The following PTK2B variants were observed in gnomAD, a reference collection of about 807,000 sequenced individuals.
PTK2B encodes protein tyrosine kinase 2 beta, also known as protein-tyrosine kinase 2-beta.
Under a neutral mutation model 142.9 loss-of-function variants are expected in PTK2B, and 71 were observed. The ratio of observed to expected loss-of-function variants is 0.50; its 90% confidence interval spans 0.41 to 0.61. The LOEUF is 0.61. Ranked by LOEUF, PTK2B falls within the 20% of genes least tolerant of loss-of-function variation. The pLI, the probability that PTK2B is intolerant of heterozygous loss-of-function variation, is 0.00. For synonymous variants in PTK2B, 519 were observed against 503.4 expected, an observed-to-expected ratio of 1.03 and a Z score of -0.42; for missense variants, 1,105 against 1,320.4, an observed-to-expected ratio of 0.84 and a Z score of 2.53.
At chr8:27,446,229 G>A (rs1439892006) in intron 24 of PTK2B, among the ~76,000 whole-genome samples, 1 of 152,216 alleles carries the variant, frequency 6.6e-6, no homozygotes, top group Admixed American at 6.5e-5. Flanking sequence ...GGGGATCTGT[G>A]GCAGCTTGGA....
At chr8:27,395,810 T>G (rs1282947741) in intron 1 of PTK2B, among the ~76,000 whole-genome samples, 7 of 152,186 alleles carry the variant, frequency 4.6e-5, no homozygotes, top group Non-Finnish European at 8.8e-5. Context: ...TGTCATCATT[T>G]CTCTGATGTT....
At chr8:27,404,724 T>C (rs893608269) in intron 2 of PTK2B, among the ~76,000 whole-genome samples, 9 of 152,310 alleles carry the variant, frequency 5.9e-5, no homozygotes, top group African/African-American at 2.2e-4. Flanking sequence ...CCATTGACTT[T>C]CCCCTTCGCT....
At chr8:27,429,992 G>C in intron 5 of PTK2B, 101 bp from the exon 6 acceptor site, 1 of 1,055,900 alleles carries the variant, frequency 9.5e-7, no homozygotes, top group Non-Finnish European at 1.5e-6. Context: ...TGATTCCCAC[G>C]TATGGCAGGG....
rs147268463 is a variant in PTK2B at position 27,338,045 on chromosome 8, G to A, written c.-38+12364G>A. On this transcript the variant is annotated intron_variant, in intron 1 of 30. Coordinates refer to ENST00000346049, the MANE Select transcript of PTK2B (RefSeq NM_173176.3). ...AACACTTGTTGTTGTCTGTAATTTC[G>A]TTGTTAGCCATCCCAGTGGGGATGA... Among the ~76,000 whole-genome samples, 493 of 152,206 alleles carry A rather than the reference G, an allele frequency of 3.2e-3. 2 individuals carry two copies. The highest frequency in any genetic ancestry group is 8.8e-3 in the African/African-American group (365 of 41,530).
At chr8:27,443,142 G>A (rs1407709049) in intron 22 of PTK2B, among the ~76,000 whole-genome samples, 159 bp downstream of exon 22, 2 of 152,260 alleles carry the variant, frequency 1.3e-5, no homozygotes, top group South Asian at 4.1e-4. Context: ...TCACATCAGT[G>A]CCCTGGCAGG....
intron 1 of PTK2B, among the ~76,000 whole-genome samples, chr8:27,339,138 G>A (rs956414503): frequency 1.3e-5 from 2 of 152,222 alleles, no homozygotes; most frequent in African/African-American, 2.4e-5. Flanking sequence ...CTAAGGCTGC[G>A]CAGGGTCCTG....
At chr8:27,372,780 T>A (rs1439409361) in intron 1 of PTK2B, among the ~76,000 whole-genome samples, 1 of 152,160 alleles carries the variant, frequency 6.6e-6, no homozygotes, top group Non-Finnish European at 1.5e-5. Flanking sequence ...TAACCCTAGC[T>A]GAGGTTGGGA....
At chr8:27,371,547 A>T (rs112262718) in intron 1 of PTK2B, among the ~76,000 whole-genome samples, 1 of 148,916 alleles carries the variant, frequency 6.7e-6, no homozygotes, top group African/African-American at 2.5e-5. Context: ...TTTATTATTT[A>T]TATATATATA....
chr8:27,432,271 G>T lies in PTK2B; in HGVS notation c.897G>T (p.Leu299=), dbSNP rs756257912. 6.2e-7 allele frequency: 1 copy of T among 1,614,066 alleles called. No individual in the cohort carries two copies. The highest frequency in any genetic ancestry group is 8.5e-7 in the Non-Finnish European group (1 of 1,180,000). ...LTSQDAKPTC[L]AEFKQIRSIR... The stretch of plus-strand genomic sequence containing the variant: ...TTCTTTTCCCACAGCCCACCTGCCT[G>T]GCCGAGTTCAAGCAGATCAGGTCCA... The change falls in exon 10 of 31, where the codon CTG becomes CTT. Residue 299 remains leucine (L), a synonymous_variant. Transcript: ENST00000346049.
chr8:27,355,997 C>G (rs1805369937), intron 1 of PTK2B, among the ~76,000 whole-genome samples: 1 of 150,106 alleles, frequency 6.7e-6, no homozygotes, highest in Non-Finnish European at 1.5e-5. Flanking sequence ...TACTCCAGCC[C>G]AGGCGACAGT....
intron 5 of PTK2B, 37 bp downstream of exon 5, chr8:27,422,420 TGCTGA>T (rs1436376229): frequency 4.5e-6 from 7 of 1,553,308 alleles, no homozygotes; most frequent in African/African-American, 2.7e-5. Context: ...GAGGGCGCTG[TGCTGA>T]GCTCTGGGCA....
intron 21 of PTK2B, among the ~76,000 whole-genome samples, chr8:27,440,685 A>G (rs540779783): frequency 6.6e-6 from 1 of 152,332 alleles, no homozygotes; most frequent in South Asian, 2.1e-4. Context: ...ATGTGCTCAG[A>G]AAATATTTTC....
At position 27,453,159 on chromosome 8, in the gene PTK2B, A is replaced by G. The variant is rs765481842; in HGVS notation, c.2594A>G (p.Gln865Arg). Residue 865 changes from glutamine to arginine, a missense_variant and splice_region_variant, in exon 28 of 31, where the codon CAG (glutamine) becomes CGG (arginine). Coordinates refer to ENST00000346049, the MANE Select transcript of PTK2B (RefSeq NM_173176.3). ...PPQKPPRLGA[Q>R]SIQPTANLDR... ...CAGAAGCCCCCGAGGCTGGGCGCAC[A>G]GGTATGTGTTGGCTCTGCTGAAACT... 16 of 1,614,034 alleles carry G rather than the reference A, an allele frequency of 9.9e-6. 1 individual carries two copies. In the South Asian group the frequency reaches 1.6e-4, roughly 17 times the overall value.
intron 1 of PTK2B, among the ~76,000 whole-genome samples, chr8:27,334,509 T>G (rs1265356156): frequency 6.6e-6 from 1 of 152,236 alleles, no homozygotes; most frequent in Non-Finnish European, 1.5e-5. Context: ...GAGCTCCCCA[T>G]GGCAGCTTCT....
At chr8:27,436,884 G>A (rs1301382890) in intron 15 of PTK2B, among the ~76,000 whole-genome samples, 1 of 152,200 alleles carries the variant, frequency 6.6e-6, no homozygotes, top group African/African-American at 2.4e-5. Context: ...CATCTGGATG[G>A]CCAGGGGCTT....
chr8:27,330,874 C>T (rs995390255), intron 1 of PTK2B, among the ~76,000 whole-genome samples: 6 of 152,298 alleles, frequency 3.9e-5, no homozygotes, highest in Non-Finnish European at 7.3e-5. Context: ...TCTTCGTGGC[C>T]TCTTACCTTT....
At chr8:27,313,934 A>C (rs1007032587) in intron 3 of PTK2B, among the ~76,000 whole-genome samples, 1 of 152,212 alleles carries the variant, frequency 6.6e-6, no homozygotes, top group African/African-American at 2.4e-5. Flanking sequence ...CCCATCTGCC[A>C]AATTATCCAT....
upstream of PTK2B, among the ~76,000 whole-genome samples, chr8:27,324,955 T>G (rs1287490724): frequency 3.9e-5 from 6 of 152,186 alleles, no homozygotes; most frequent in Middle Eastern, 3.2e-3. Context: ...GTCCAGCATC[T>G]CTAACTATTC....
At chr8:27,409,944 A>G (rs1400587725) in intron 2 of PTK2B, among the ~76,000 whole-genome samples, 1 of 151,600 alleles carries the variant, frequency 6.6e-6, no homozygotes, top group South Asian at 2.1e-4. Context: ...CTAGTCTCGA[A>G]CTCCTGACCT....
Sources: gnomAD v4.1 joint callset for allele counts (sites outside exome capture counted in the v4.1 genomes callset) on GRCh38, gnomAD v4.1.1 for gene constraint, MANE v1.5 for transcripts, NCBI Gene and HGNC (gene_info 2026-07-23, HGNC 2026-07-21) for gene names.